CNOT2: variants seen among roughly 807,000 people sequenced by gnomAD.
The protein encoded by CNOT2 is CC chemokine receptor 4-negative regulator of transcription 2.
Under a neutral mutation model 72.1 loss-of-function variants are expected in CNOT2, and 7 were observed. That is an observed-to-expected ratio of 0.10 (90% CI 0.06 to 0.18). CNOT2 has a LOEUF of 0.18. CNOT2 is among the 10% of genes least tolerant of loss of function. The pLI, the probability that CNOT2 is intolerant of heterozygous loss-of-function variation, is 1.00. For synonymous variants in CNOT2, 196 were observed against 225.6 expected (o/e 0.87, Z 1.17); for missense variants, 345 against 660.3 (o/e 0.52, Z 5.23).
chr12:70,262,405 C>A (rs573820109), intron 1 of CNOT2, among the ~76,000 whole-genome samples: 30 of 152,020 alleles, frequency 2.0e-4, no homozygotes, highest in African/African-American at 6.0e-4. Context: ...TCCGAAGTAG[C>A]TGGGACTACA....
intron 15 of CNOT2, among the ~76,000 whole-genome samples, chr12:70,352,013 T>TATA (rs755288327): frequency 6.6e-6 from 1 of 152,172 alleles, no homozygotes; most frequent in African/African-American, 2.4e-5. Flanking sequence ...GTACCTTCTT[T>TATA]ATAAACTCTC....
chr12:70,275,597 A>G (rs2135794034), intron 1 of CNOT2, among the ~76,000 whole-genome samples: 1 of 152,132 alleles, frequency 6.6e-6, no homozygotes, highest in South Asian at 2.1e-4. Context: ...AGAAGGGTAA[A>G]CATAGCCTCC....
intron 2 of CNOT2, among the ~76,000 whole-genome samples, chr12:70,304,879 A>G (rs7974551): frequency 0.57 from 86,361 of 151,946 alleles, 25,637 homozygotes; most frequent in East Asian, 0.94. Flanking sequence ...AATGGCGGGC[A>G]CCCCTCCCCC....
intron 13 of CNOT2, 109 bp downstream of exon 13, chr12:70,342,416 G>A: frequency 7.9e-7 from 1 of 1,266,774 alleles, no homozygotes; most frequent in Non-Finnish European, 1.1e-6. Context: ...ATGGTCTCAG[G>A]GATATGCTTT....
chr12:70,291,872 G>A (rs1276237061), intron 2 of CNOT2, among the ~76,000 whole-genome samples: 14 of 152,226 alleles, frequency 9.2e-5, no homozygotes, highest in Non-Finnish European at 1.9e-4. Flanking sequence ...GGGAGGCGGA[G>A]TTTGCAGTGA....
chr12:70,247,654 A>T (rs765539611), intron 1 of CNOT2, among the ~76,000 whole-genome samples: 27 of 152,312 alleles, frequency 1.8e-4, no homozygotes, highest in Admixed American at 3.3e-4. Context: ...AACTTCTATT[A>T]TAGAATGTCA....
chr12:70,344,491 G>T (rs1173877206), intron 14 of CNOT2: 1 of 352,248 alleles, frequency 2.8e-6, no homozygotes, highest in Non-Finnish European at 5.2e-6. Flanking sequence ...ACTTTGGTGA[G>T]GTGGACAGAT....
intron 1 of CNOT2, among the ~76,000 whole-genome samples, chr12:70,270,362 T>G (rs867636245): frequency 1.1e-4 from 17 of 152,114 alleles, no homozygotes; most frequent in African/African-American, 3.9e-4. Flanking sequence ...AATTTTGAAT[T>G]GCACAATTTT....
intron 2 of CNOT2, among the ~76,000 whole-genome samples, chr12:70,291,923 T>G (rs554235561): frequency 1.3e-5 from 2 of 152,074 alleles, no homozygotes; most frequent in East Asian, 3.9e-4. Flanking sequence ...GGCGACAGAG[T>G]GAGACTCCGT....
Position 70,275,184 on chromosome 12 carries a change from T to C in CNOT2, c.-95-2948T>C, listed in dbSNP as rs115681610. On this transcript the variant is annotated intron_variant, in intron 1 of 15. Coordinates refer to ENST00000229195, the MANE Select transcript of CNOT2 (RefSeq NM_014515.7). ...TTTTCTTTTCTATACTTTAAATATA[T>C]TGAACCACTCTCCTCTGATTTGCAT... is the stretch of plus-strand genomic sequence containing the variant. 5.2e-3 allele frequency among the ~76,000 whole-genome samples: 786 copies of C among 152,222 alleles called. 8 individuals are homozygous for C. Among genetic ancestry groups the C allele is most frequent in the African/African-American group, 0.017 (722 of 41,570 alleles).
At chr12:70,353,766 G>A (rs908388963) in intron 15 of CNOT2, 63 bp from the exon 16 acceptor site, 4 of 1,588,826 alleles carry the variant, frequency 2.5e-6, no homozygotes, top group African/African-American at 1.4e-5. Flanking sequence ...ATAGTAAAAT[G>A]TATTTTGACA....
At chr12:70,340,889 C>CT (rs55884675) in intron 11 of CNOT2, among the ~76,000 whole-genome samples, 235 of 85,586 alleles carry the variant, frequency 2.7e-3, no homozygotes, top group Non-Finnish European at 3.7e-3. Context: ...AACCCCAAAT[C>CT]TTTTTTTTTT....
chr12:70,344,195 G>A lies in CNOT2; in HGVS notation c.1358G>A (p.Gly453Glu). ...LLFYLYYMNG[G>E]DVLQLLAAVE... Reference sequence around the variant, plus strand: ...TTCTATCTCTATTACATGAATGGAGGAGACGTATTACAACTTTTAGCTGCA... The same window carrying A: ...TTCTATCTCTATTACATGAATGGAGAAGACGTATTACAACTTTTAGCTGCA... Residue 453 changes from glycine to glutamate, a missense_variant, in exon 14 of 16, where the codon GGA becomes GAA. Gly to Glu is a moderately conservative substitution (Grantham distance 98). Around this residue, in one of 4 missense-constraint regions of CNOT2, gnomAD observed 53 missense variants for 153.4 expected, o/e 0.35. Coordinates refer to ENST00000229195, the MANE Select transcript of CNOT2 (RefSeq NM_014515.7). 6.2e-7 allele frequency: 1 copy of A among 1,612,078 alleles called. No homozygotes were observed.
chr12:70,299,868 C>T (rs1873575072), intron 2 of CNOT2, among the ~76,000 whole-genome samples: 2 of 152,224 alleles, frequency 1.3e-5, no homozygotes, highest in Admixed American at 1.3e-4. Context: ...TATTTCTCCA[C>T]ATCCTCTCTA....
intron 4 of CNOT2, chr12:70,321,703 G>T (rs537972131): frequency 9.9e-5 from 15 of 151,884 alleles, no homozygotes; most frequent in African/African-American, 3.1e-4. Context: ...ACTATCTATT[G>T]TATGTTCTTG....
At chr12:70,281,979 A>G (rs1593114646) in intron 2 of CNOT2, among the ~76,000 whole-genome samples, 1 of 148,692 alleles carries the variant, frequency 6.7e-6, no homozygotes, top group Non-Finnish European at 1.5e-5. Flanking sequence ...CTATCATTGC[A>G]GAAAATCGTA....
At chr12:70,308,453 A>G (rs1197058518) in intron 2 of CNOT2, among the ~76,000 whole-genome samples, 1 of 151,606 alleles carries the variant, frequency 6.6e-6, no homozygotes, top group Non-Finnish European at 1.5e-5. Flanking sequence ...TTGTTTTTTA[A>G]TTATTTGCTG....
chr12:70,340,681 A>G (rs1881367959), intron 11 of CNOT2, among the ~76,000 whole-genome samples: 1 of 151,890 alleles, frequency 6.6e-6, no homozygotes, highest in Admixed American at 6.6e-5. Context: ...AAAGCTCACT[A>G]CTTTTAACTG....
chr12:70,271,375 C>CTT (rs11285130), intron 1 of CNOT2, among the ~76,000 whole-genome samples: 1,125 of 89,430 alleles, frequency 0.013, 9 homozygotes, highest in African/African-American at 0.019. Context: ...ATCACATTTC[C>CTT]TTTTTTTTTT....
Sources: allele counts gnomAD v4.1 joint callset (sites outside exome capture counted in the v4.1 genomes callset), GRCh38; gene constraint gnomAD v4.1.1; regional missense constraint gnomAD v4.1.1; transcripts MANE v1.5; gene names NCBI Gene and HGNC (gene_info 2026-07-23, HGNC 2026-07-21).